The following CUEDC1 variants were observed in gnomAD, a reference collection of about 807,000 sequenced individuals.
The protein encoded by CUEDC1 is CUE domain-containing protein 1.
Under a neutral mutation model 43.7 loss-of-function variants are expected in CUEDC1, and 30 were observed. The ratio of observed to expected loss-of-function variants is 0.69; its 90% CI spans 0.51 to 0.93. The LOEUF (loss-of-function observed/expected upper bound fraction) is 0.93, where lower values mean the gene tolerates loss of function less well. Among genes scored for constraint, CUEDC1 ranks in the 40% least tolerant of loss-of-function variants. The probability of loss-of-function intolerance (pLI) is 0.00; values close to 1 mark genes in which losing one functional copy is unlikely to be tolerated. For synonymous variants in CUEDC1, 223 were observed against 223.6 expected (o/e 1.00, Z 0.02); for missense variants, 486 against 549.0 (o/e 0.89, Z 1.15).
At chr17:57,908,066 G>T (rs1010284036) in intron 1 of CUEDC1, among the ~76,000 whole-genome samples, 1 of 151,618 alleles carries the variant, frequency 6.6e-6, no homozygotes, top group African/African-American at 2.4e-5. Context: ...CAGGCATCAG[G>T]TTCTTTTTGA....
chr17:57,937,424 A>G (rs1342543203), intron 1 of CUEDC1, among the ~76,000 whole-genome samples: 1 of 151,454 alleles, frequency 6.6e-6, no homozygotes, highest in Non-Finnish European at 1.5e-5. Flanking sequence ...CAGCCTGGGA[A>G]ACATGGTGAA....
Position 57,934,387 on chromosome 17 carries a change from G to A in CUEDC1, c.-316+20838C>T, listed in dbSNP as rs567050474. On this transcript the variant is annotated intron_variant, in intron 1 of 10. Coordinates refer to ENST00000577830, the MANE Select transcript of CUEDC1 (RefSeq NM_001271875.2). The stretch of plus-strand genomic sequence containing the variant: ...AGCCTGGGAAACAGAGCAAGACTCC[G>A]TCTCAAAAATAAAAATAAAAATAGC... 1.9e-3 allele frequency among the ~76,000 whole-genome samples: 295 copies of A among 151,786 alleles called. 3 individuals carry two copies. The highest frequency in any genetic ancestry group is 9.7e-4 in the East Asian group (5 of 5,152).
chr17:57,953,173 C>T (rs1225863239), intron 1 of CUEDC1, among the ~76,000 whole-genome samples: 1 of 152,212 alleles, frequency 6.6e-6, no homozygotes, highest in Non-Finnish European at 1.5e-5. Flanking sequence ...CAAGCTGGAG[C>T]TCTTAAAGGC....
In CUEDC1 at chr17:57,885,534, C is replaced by T. The variant is rs1387269503; in HGVS notation, c.31G>A (p.Gly11Ser). 2.9e-6 allele frequency: 4 copies of T among 1,382,910 alleles called. No individual in the cohort carries two copies. The highest frequency in any genetic ancestry group is 3.3e-5 in the South Asian group (2 of 60,112). 85.7% of individuals were successfully genotyped at this position (1,382,910 alleles called of 1,614,324 possible). A position where few individuals can be genotyped will look rare whatever the true frequency, so the allele number is the denominator to read the frequency against. Residue 11 changes from glycine (G) to serine (S), a missense_variant, in exon 2 of 11, where the codon GGC (glycine) becomes AGC (serine). Transcript: ENST00000577830. The part of the protein sequence containing the change: MTSLFRRSSS[G>S]SGGGGTAGAR... ...CCGGCGGTGCCACCCCCGCCGCTGC[C>T]GCTGCTGCTCCGGCGGAACAGGCTG... is the stretch of plus-strand genomic sequence containing the variant.
intron 9 of CUEDC1, 158 bp from the exon 10 acceptor site, chr17:57,866,702 G>A (rs554456073): frequency 5.5e-5 from 36 of 649,280 alleles, no homozygotes; most frequent in Non-Finnish European, 8.2e-5. Context: ...GGTCCAGGGA[G>A]AGAGGCAGCA....
At chr17:57,866,930 G>A (rs563728428) in intron 9 of CUEDC1, 2 of 350,622 alleles carry the variant, frequency 5.7e-6, no homozygotes, top group East Asian at 1.2e-4. Flanking sequence ...GCCCAGGAGG[G>A]TCTGAGGCAG....
In CUEDC1 at chr17:57,905,249, G is replaced by GACACACACACACACACACACAC. The variant is rs761744709; in HGVS notation, c.-315-19392_-315-19371dup. Among the ~76,000 whole-genome samples, 79 of 128,006 alleles carry GACACACACACACACACACACAC rather than the reference G, an allele frequency of 6.2e-4. 2 individuals are homozygous for GACACACACACACACACACACAC. The highest frequency in any genetic ancestry group is 2.4e-3 in the East Asian group (9 of 3,718). 84.0% of individuals were successfully genotyped at this position (128,006 alleles called of 152,430 possible). On this transcript the variant is annotated intron_variant, in intron 1 of 10. Transcript: ENST00000577830. ...GGCTACAGCTTCTCTCTCTCTCTCT[G>GACACACACACACACACACACAC]ACACACACACACACACACACACACA...
At chr17:57,922,701 T>C (rs2074709279) in intron 1 of CUEDC1, 1 of 152,158 alleles carries the variant, frequency 6.6e-6, no homozygotes, top group Non-Finnish European at 1.5e-5. Flanking sequence ...CCTTTCAGTT[T>C]AAAAGGAAGA....
chr17:57,944,918 T>C (rs908812080), intron 1 of CUEDC1, among the ~76,000 whole-genome samples: 4 of 152,136 alleles, frequency 2.6e-5, no homozygotes, highest in Admixed American at 6.5e-5. Context: ...ACACCAAAGC[T>C]GCCTTAGGGA....
chr17:57,944,198 T>TATA (rs1555570390), intron 1 of CUEDC1, among the ~76,000 whole-genome samples: 5 of 144,702 alleles, frequency 3.5e-5, no homozygotes, highest in African/African-American at 1.0e-4. Context: ...ATTTATTTTT[T>TATA]TATATATATA....
chr17:57,910,776 A>G (rs960086102), intron 1 of CUEDC1, among the ~76,000 whole-genome samples: 3 of 152,120 alleles, frequency 2.0e-5, no homozygotes, highest in African/African-American at 7.2e-5. Flanking sequence ...CAATTAGCAT[A>G]TCATAATGTG....
intron 2 of CUEDC1, among the ~76,000 whole-genome samples, chr17:57,882,836 A>G (rs1362622932): frequency 6.6e-6 from 1 of 152,232 alleles, no homozygotes; most frequent in Non-Finnish European, 1.5e-5. Flanking sequence ...AGTATATGAT[A>G]CATACAACAC....
intron 1 of CUEDC1, among the ~76,000 whole-genome samples, chr17:57,908,978 C>A (rs1486002572): frequency 2.0e-5 from 3 of 151,990 alleles, no homozygotes; most frequent in African/African-American, 7.2e-5. Context: ...GCCTGGGTGA[C>A]AGAACGAGAC....
chr17:57,917,598 G>A (rs1306284855), intron 1 of CUEDC1, among the ~76,000 whole-genome samples: 1 of 152,266 alleles, frequency 6.6e-6, no homozygotes, highest in Non-Finnish European at 1.5e-5. Context: ...CATCCCATGA[G>A]AGAGAGGCCT....
intron 1 of CUEDC1, among the ~76,000 whole-genome samples, chr17:57,921,203 T>C (rs1256773155): frequency 1.3e-5 from 2 of 152,216 alleles, no homozygotes; most frequent in African/African-American, 4.8e-5. Context: ...TGTGCGATCT[T>C]GAGGCTCTCC....
chr17:57,893,838 G>A (rs1380888471), intron 1 of CUEDC1, among the ~76,000 whole-genome samples: 2 of 152,256 alleles, frequency 1.3e-5, no homozygotes, highest in African/African-American at 4.8e-5. Flanking sequence ...GCTCACGCCT[G>A]TAATCCCAGC....
At chr17:57,932,971 T>C (rs1355919034) in intron 1 of CUEDC1, among the ~76,000 whole-genome samples, 1 of 152,136 alleles carries the variant, frequency 6.6e-6, no homozygotes, top group African/African-American at 2.4e-5. Flanking sequence ...TTGGAAGATG[T>C]TGAGCAGCAT....
chr17:57,945,179 G>A (rs1244922588), intron 1 of CUEDC1, among the ~76,000 whole-genome samples: 1 of 152,086 alleles, frequency 6.6e-6, no homozygotes, highest in Non-Finnish European at 1.5e-5. Context: ...TAGCAGCCAG[G>A]CTACAGAAAT....
At chr17:57,877,741 C>T (rs1017268346) in intron 3 of CUEDC1, among the ~76,000 whole-genome samples, 6 of 151,620 alleles carry the variant, frequency 4.0e-5, no homozygotes, top group South Asian at 2.1e-4. Flanking sequence ...AAAAGTTAGC[C>T]GGGTGTGGTG....
Sources: gnomAD v4.1 joint callset for allele counts (sites outside exome capture counted in the v4.1 genomes callset) on GRCh38, gnomAD v4.1.1 for gene constraint, MANE v1.5 for transcripts, NCBI Gene and HGNC (gene_info 2026-07-23, HGNC 2026-07-21) for gene names.